RAB38: variants seen among roughly 807,000 people sequenced by gnomAD.
RAB38 encodes the protein ras-related protein Rab-38.
Under a neutral mutation model 18.4 loss-of-function variants are expected in RAB38, and 15 were observed. That is an observed-to-expected ratio of 0.82 (90% CI 0.55 to 1.26). The LOEUF (loss-of-function observed/expected upper bound fraction) is 1.26, where lower values mean the gene tolerates loss of function less well. Ranked by LOEUF, RAB38 falls within the 50% of genes most tolerant of loss-of-function variation. The pLI, the probability that RAB38 is intolerant of heterozygous loss-of-function variation, is 0.00. For synonymous variants in RAB38, 101 were observed against 104.4 expected (o/e 0.97, Z 0.20); for missense variants, 294 against 267.4 (o/e 1.10, Z -0.69).
At chr11:87,917,972 C>T in the RAB38 span, 2 of 151,942 alleles carry the variant, frequency 1.3e-5, no homozygotes, top group Non-Finnish European at 2.9e-5. Flanking sequence ...GACACAGAGA[C>T]TTTAAGTTCT....
chr11:88,174,572 C>T (rs925931074), intron 1 of RAB38, among the ~76,000 whole-genome samples: 3 of 145,892 alleles, frequency 2.1e-5, no homozygotes, highest in Non-Finnish European at 4.5e-5. Flanking sequence ...GAATACTTTG[C>T]CCCTGACATA....
the RAB38 span, among the ~76,000 whole-genome samples, chr11:88,099,155 T>TA: frequency 6.6e-6 from 1 of 151,936 alleles, no homozygotes. Flanking sequence ...ATTTGATCCT[T>TA]AAAAATCAAA....
the RAB38 span, among the ~76,000 whole-genome samples, chr11:87,839,705 A>G: frequency 1.3e-5 from 2 of 152,200 alleles, no homozygotes; most frequent in Non-Finnish European, 2.9e-5. Context: ...CTCTCTTAAT[A>G]TGGTGTATTG....
chr11:87,901,805 A>G, the RAB38 span, among the ~76,000 whole-genome samples: 1 of 151,628 alleles, frequency 6.6e-6, no homozygotes, highest in Admixed American at 6.6e-5. Context: ...GTCCATCAGG[A>G]AAGTCCTTCA....
intron 2 of RAB38, among the ~76,000 whole-genome samples, chr11:88,147,137 C>A (rs1281564175): frequency 1.3e-5 from 2 of 152,158 alleles, no homozygotes; most frequent in Non-Finnish European, 2.9e-5. Context: ...TTTTCCCTTT[C>A]TTCTTATTAG....
chr11:88,016,102 C>T, the RAB38 span, among the ~76,000 whole-genome samples: 4 of 152,190 alleles, frequency 2.6e-5, no homozygotes, highest in Non-Finnish European at 1.5e-5. Flanking sequence ...ATGCCAGCTT[C>T]CTTTGCCTAC....
At chr11:87,894,849 C>A in the RAB38 span, among the ~76,000 whole-genome samples, 5 of 151,020 alleles carry the variant, frequency 3.3e-5, no homozygotes, top group Non-Finnish European at 7.4e-5. Flanking sequence ...ATAATATAGG[C>A]AAAATGTATA....
the RAB38 span, among the ~76,000 whole-genome samples, chr11:87,809,539 A>C: frequency 6.6e-6 from 1 of 152,212 alleles, no homozygotes; most frequent in African/African-American, 2.4e-5. Flanking sequence ...AGGACTTTTG[A>C]TACTAAATCA....
chr11:87,971,928 T>A, the RAB38 span, among the ~76,000 whole-genome samples: 15 of 151,976 alleles, frequency 9.9e-5, no homozygotes, highest in Non-Finnish European at 2.1e-4. Flanking sequence ...AAGCGTTTTT[T>A]TTTTTTTAAA....
At chr11:87,895,596 A>T in the RAB38 span, among the ~76,000 whole-genome samples, 2 of 151,704 alleles carry the variant, frequency 1.3e-5, no homozygotes, top group Non-Finnish European at 3.0e-5. Context: ...TTTATAGTTA[A>T]TTAAGCTAGA....
At chr11:88,025,108 A>G in the RAB38 span, among the ~76,000 whole-genome samples, 1 of 151,940 alleles carries the variant, frequency 6.6e-6, no homozygotes, top group Non-Finnish European at 1.5e-5. Context: ...GTATGCCTCA[A>G]CCAAAATATC....
At chr11:88,162,984 C>T (rs1223234189) in intron 1 of RAB38, among the ~76,000 whole-genome samples, 1 of 152,130 alleles carries the variant, frequency 6.6e-6, no homozygotes, top group Non-Finnish European at 1.5e-5. Context: ...GCTCCACCTT[C>T]TTGGAGACTT....
the RAB38 span, among the ~76,000 whole-genome samples, chr11:87,891,537 G>A: frequency 2.6e-5 from 4 of 151,680 alleles, no homozygotes; most frequent in Non-Finnish European, 5.9e-5. Context: ...GAGATTTAAG[G>A]ATCATCTAAA....
chr11:88,081,747 C>G, the RAB38 span, among the ~76,000 whole-genome samples: 16 of 151,838 alleles, frequency 1.1e-4, no homozygotes, highest in African/African-American at 3.4e-4. Flanking sequence ...CTGCAAAGAC[C>G]CTTTTTCCAA....
chr11:88,135,062 G>C (rs1001918846), intron 2 of RAB38, among the ~76,000 whole-genome samples: 34 of 152,056 alleles, frequency 2.2e-4, no homozygotes, highest in African/African-American at 8.2e-4. Flanking sequence ...GATTTTATAT[G>C]GCTCAATAGT....
chr11:88,158,702 T>C (rs1422135258), intron 1 of RAB38, among the ~76,000 whole-genome samples: 6 of 152,128 alleles, frequency 3.9e-5, no homozygotes, highest in Admixed American at 1.3e-4. Context: ...AAAAAGCTTT[T>C]GATAAAATCC....
chr11:88,009,930 T>C, the RAB38 span, among the ~76,000 whole-genome samples: 7 of 152,202 alleles, frequency 4.6e-5, no homozygotes, highest in Non-Finnish European at 8.8e-5. Context: ...ATAAGTGAGA[T>C]ATCTTTGAAA....
chr11:88,060,536 G>A, the RAB38 span, among the ~76,000 whole-genome samples: 1 of 152,142 alleles, frequency 6.6e-6, no homozygotes, highest in Non-Finnish European at 1.5e-5. Flanking sequence ...ATGTAGAGAG[G>A]TCAAGCAACT....
chr11:88,139,811 G>T (rs1047644148), intron 2 of RAB38, among the ~76,000 whole-genome samples: 7 of 152,158 alleles, frequency 4.6e-5, no homozygotes, highest in African/African-American at 2.4e-5. Context: ...CATTGTCATG[G>T]AATAGATAGA....
Sources: allele counts gnomAD v4.1 joint callset (sites outside exome capture counted in the v4.1 genomes callset), GRCh38; gene constraint gnomAD v4.1.1; transcripts MANE v1.5; gene names NCBI Gene and HGNC (gene_info 2026-07-23, HGNC 2026-07-21).